Variants in RBBP8 observed in about 807,000 individuals in gnomAD.
RBBP8 encodes RB binding protein 8, endonuclease, also known as DNA endonuclease RBBP8.
RBBP8 carries 88 observed loss-of-function variants against 108.3 expected under a neutral mutation model. That is an observed-to-expected ratio of 0.81 (90% confidence interval 0.68 to 0.97). The LOEUF (loss-of-function observed/expected upper bound fraction) is 0.97. RBBP8 is among the 50% of genes least tolerant of loss of function. The pLI is 0.00. For synonymous variants in RBBP8, 332 were observed against 348.2 expected (o/e 0.95, Z 0.52); for missense variants, 1,023 against 1,049.0 (o/e 0.98, Z 0.34).
intron 3 of RBBP8, among the ~76,000 whole-genome samples, chr18:22,947,719 T>A (rs1456544192): frequency 6.6e-6 from 1 of 152,116 alleles, no homozygotes; most frequent in Non-Finnish European, 1.5e-5. Flanking sequence ...CTTCCCTGTT[T>A]TTGAAATTGC....
At chr18:22,996,504 C>T in intron 13 of RBBP8, 42 bp downstream of exon 13, 1 of 1,604,618 alleles carries the variant, frequency 6.2e-7, no homozygotes, top group African/African-American at 1.3e-5. Context: ...GACTTTTATT[C>T]CAATGAGTTG....
intron 16 of RBBP8, among the ~76,000 whole-genome samples, chr18:23,012,789 C>T (rs1307903185): frequency 6.6e-6 from 1 of 152,262 alleles, no homozygotes; most frequent in East Asian, 1.9e-4. Flanking sequence ...ATGAAACAGC[C>T]TTCTATTGGA....
intron 4 of RBBP8, among the ~76,000 whole-genome samples, chr18:22,956,406 C>G (rs954516203): frequency 2.6e-5 from 4 of 152,224 alleles, no homozygotes; most frequent in African/African-American, 9.6e-5. Context: ...ACCATCATAG[C>G]TCATTACAGC....
At chr18:23,016,069 C>T (rs1035872914) in intron 16 of RBBP8, among the ~76,000 whole-genome samples, 1 of 152,146 alleles carries the variant, frequency 6.6e-6, no homozygotes, top group Admixed American at 6.6e-5. Flanking sequence ...GCCACCACAC[C>T]CAACTAATTT....
chr18:22,929,489 T>C (rs729955), upstream of RBBP8: 1 of 26,396 alleles, frequency 3.8e-5, no homozygotes, highest in Non-Finnish European at 7.6e-5. Context: ...TGTGTGTGTG[T>C]GTGTGTGTGT....
rs758336139 is a variant in RBBP8 at position 22,984,951 on chromosome 18, G to T, written c.670G>T (p.Val224Leu). The stretch of plus-strand genomic sequence containing the variant: ...TAATCCTAATGAAAATGAAATTCTA[G>T]TAGCTGACACTTATGACCAAAGTCA... ...QHNPNENEIL[V>L]ADTYDQSQSP... The change falls in exon 8 of 19, where the codon GTA (valine) becomes TTA (leucine). Residue 224 changes from valine (V) to leucine (L), a missense_variant. Coordinates refer to ENST00000327155, the MANE Select transcript of RBBP8 (RefSeq NM_002894.3). 52 of 1,611,586 alleles carry T rather than the reference G, an allele frequency of 3.2e-5. No individual in the cohort carries two copies. Among genetic ancestry groups the T allele is most frequent in the Non-Finnish European group, 3.4e-6 (4 of 1,178,432 alleles).
intron 5 of RBBP8, among the ~76,000 whole-genome samples, chr18:22,970,121 T>G (rs1913962070): frequency 6.6e-6 from 1 of 152,206 alleles, no homozygotes; most frequent in African/African-American, 2.4e-5. Context: ...CCAAATGCAG[T>G]CTCTACGCAT....
In RBBP8 at chr18:22,936,874, G is replaced by T. The variant is rs1910617529; in HGVS notation, c.23G>T (p.Cys8Phe). Residue 8 changes from cysteine (C) to phenylalanine (F), a missense_variant, in exon 2 of 19, where the codon TGT becomes TTT. Cys to Phe is a radical substitution (Grantham distance 205). Transcript: ENST00000327155. MNISGSS[C>F]GSPNSADTSS... Reference sequence around the variant, plus strand: ...AAGATGAACATCTCGGGAAGCAGCTGTGGAAGCCCTAACTCTGCAGATACA... The same window carrying T: ...AAGATGAACATCTCGGGAAGCAGCTTTGGAAGCCCTAACTCTGCAGATACA... The T allele has an allele frequency of 3.7e-6, 6 of 1,614,152 alleles. No individual in the cohort carries two copies. Among genetic ancestry groups the T allele is most frequent in the Non-Finnish European group, 4.2e-6 (5 of 1,180,020 alleles).
upstream of RBBP8, among the ~76,000 whole-genome samples, chr18:22,930,039 C>T (rs1307203460): frequency 1.3e-5 from 2 of 152,182 alleles, no homozygotes; most frequent in Non-Finnish European, 2.9e-5. Flanking sequence ...ATTCTAGAAT[C>T]TACAGGATTT....
intron 17 of RBBP8, among the ~76,000 whole-genome samples, chr18:23,019,397 C>T (rs1233226200): frequency 6.6e-6 from 1 of 152,174 alleles, no homozygotes; most frequent in East Asian, 1.9e-4. Context: ...GTTACTCCAT[C>T]ATGACCAGAA....
intron 4 of RBBP8, chr18:22,950,165 CTTCT>C (rs999023716): frequency 1.9e-5 from 3 of 159,586 alleles, no homozygotes; most frequent in South Asian, 1.8e-4. Flanking sequence ...CATACACAGA[CTTCT>C]TTCTTTCCCA....
intron 16 of RBBP8, among the ~76,000 whole-genome samples, chr18:23,011,802 A>T (rs1251625174): frequency 6.6e-6 from 1 of 152,058 alleles, no homozygotes; most frequent in African/African-American, 2.4e-5. Flanking sequence ...CAGCGAACTC[A>T]ATCAATGAAT....
intron 2 of RBBP8, chr18:22,915,522 A>G (rs1384650849): frequency 6.6e-6 from 1 of 152,198 alleles, no homozygotes; most frequent in Non-Finnish European, 1.5e-5. Flanking sequence ...TTGTATCTGC[A>G]AAAGCAATGT....
chr18:23,020,314 T>G (rs2046328156), intron 17 of RBBP8, among the ~76,000 whole-genome samples: 1 of 151,900 alleles, frequency 6.6e-6, no homozygotes, highest in Non-Finnish European at 1.5e-5. Context: ...CCAGCTACTC[T>G]GGAGGCTGAG....
At chr18:22,928,835 A>G (rs553705801), upstream of RBBP8, among the ~76,000 whole-genome samples, 1 of 151,914 alleles carries the variant, frequency 6.6e-6, no homozygotes, top group South Asian at 2.1e-4. Context: ...ATGCCCATCT[A>G]ATTTTTGTAT....
chr18:22,986,623 A>C (rs1915343555), intron 8 of RBBP8, among the ~76,000 whole-genome samples: 1 of 152,168 alleles, frequency 6.6e-6, no homozygotes, highest in African/African-American at 2.4e-5. Flanking sequence ...TGATCAAGTA[A>C]ATAGGAGAAA....
At chr18:22,992,552 A>C (rs540060029) in intron 10 of RBBP8, among the ~76,000 whole-genome samples, 196 bp from the exon 11 acceptor site, 23 of 152,316 alleles carry the variant, frequency 1.5e-4, no homozygotes, top group South Asian at 1.4e-3. Context: ...AATTTTTAAA[A>C]TATGAATATT....
chr18:22,962,158 A>C (rs766109640), intron 4 of RBBP8, among the ~76,000 whole-genome samples: 7 of 152,140 alleles, frequency 4.6e-5, no homozygotes, highest in Non-Finnish European at 1.0e-4. Flanking sequence ...AGTCCTTTAG[A>C]TCATAAATCT....
In RBBP8 at chr18:22,960,317, C is replaced by G. The variant is rs142274579; in HGVS notation, c.249-8489C>G. 3.1e-3 allele frequency among the ~76,000 whole-genome samples: 473 copies of G among 152,270 alleles called. 1 individual carries two copies. The highest frequency in any genetic ancestry group is 0.011 in the African/African-American group (457 of 41,556). On this transcript the variant is annotated intron_variant, in intron 4 of 18. Transcript: ENST00000327155. ...CACCTGTATTCCCAGCATGGGAGGC[C>G]AAGTAGGCAGATCGCTTTAGCCCAA...
Sources: gnomAD v4.1 joint callset for allele counts (sites outside exome capture counted in the v4.1 genomes callset) on GRCh38, gnomAD v4.1.1 for gene constraint, MANE v1.5 for transcripts, NCBI Gene and HGNC (gene_info 2026-07-23, HGNC 2026-07-21) for gene names.